MALRD1: variants seen among roughly 807,000 people sequenced by gnomAD.
MALRD1 encodes the protein MAM and LDL-receptor class A domain-containing protein 1.
In MALRD1, 247 loss-of-function variants were observed where a neutral mutation model predicts 242.1. That is an observed-to-expected ratio of 1.02 (90% confidence interval 0.92 to 1.13). MALRD1 has a LOEUF of 1.13. Among genes scored for constraint, MALRD1 ranks in the 50% most tolerant of loss-of-function variants. The pLI, the probability that MALRD1 is intolerant of heterozygous loss-of-function variation, is 0.00. For synonymous variants in MALRD1, 995 were observed against 866.6 expected, an observed-to-expected ratio of 1.15 and a Z score of -2.60; for missense variants, 2,989 against 2,533.1, an observed-to-expected ratio of 1.18 and a Z score of -3.86.
intron 29 of MALRD1, among the ~76,000 whole-genome samples, chr10:19,472,331 T>A (rs1836536995): frequency 6.6e-6 from 1 of 152,002 alleles, no homozygotes; most frequent in South Asian, 2.1e-4. Flanking sequence ...TTTGCATGGA[T>A]GTTTATCAGG....
intron 38 of MALRD1, among the ~76,000 whole-genome samples, chr10:19,703,333 G>A (rs962693365): frequency 6.6e-6 from 1 of 152,126 alleles, no homozygotes; most frequent in Non-Finnish European, 1.5e-5. Flanking sequence ...GTTACCTAGA[G>A]GTTGATTGTA....
At chr10:19,169,800 G>A (rs113180151) in intron 13 of MALRD1, among the ~76,000 whole-genome samples, 3,111 of 152,254 alleles carry the variant, frequency 0.02, 49 homozygotes, top group Middle Eastern at 0.044. Flanking sequence ...CTTGGAAATA[G>A]GCTAGGATTT....
chr10:19,129,955 T>C (rs1833031033), intron 8 of MALRD1, among the ~76,000 whole-genome samples: 1 of 150,868 alleles, frequency 6.6e-6, no homozygotes, highest in Admixed American at 6.6e-5. Context: ...TATATATCTC[T>C]ATCTCCCCAC....
At chr10:19,391,838 G>C (rs2130822431) in intron 28 of MALRD1, among the ~76,000 whole-genome samples, 1 of 152,310 alleles carries the variant, frequency 6.6e-6, no homozygotes, top group Non-Finnish European at 1.5e-5. Context: ...TAGGCTTCAA[G>C]TGTCACTCTC....
chr10:19,181,267 C>T (rs1168557311), intron 14 of MALRD1, among the ~76,000 whole-genome samples: 1 of 152,032 alleles, frequency 6.6e-6, no homozygotes, highest in African/African-American at 2.4e-5. Flanking sequence ...CTCCCATGTT[C>T]GCTGCAGGAT....
chr10:19,652,865 G>C (rs1373204846), intron 36 of MALRD1, among the ~76,000 whole-genome samples: 1 of 152,180 alleles, frequency 6.6e-6, no homozygotes, highest in African/African-American at 2.4e-5. Flanking sequence ...ACCAAAGACA[G>C]TCTGACAAAA....
At chr10:19,293,897 A>C (rs1841567211) in intron 21 of MALRD1, among the ~76,000 whole-genome samples, 1 of 152,186 alleles carries the variant, frequency 6.6e-6, no homozygotes, top group Non-Finnish European at 1.5e-5. Context: ...TGTACCCCTG[A>C]ACCTAAATGT....
intron 28 of MALRD1, among the ~76,000 whole-genome samples, chr10:19,436,063 T>C (rs1181122623): frequency 6.6e-6 from 1 of 152,160 alleles, no homozygotes; most frequent in Non-Finnish European, 1.5e-5. Flanking sequence ...ATCCCCGTTA[T>C]TGTGGGAATT....
intron 38 of MALRD1, among the ~76,000 whole-genome samples, chr10:19,706,089 G>C (rs1033121654): frequency 2.0e-5 from 3 of 152,156 alleles, no homozygotes; most frequent in Admixed American, 6.5e-5. Context: ...GGCTGTAAAA[G>C]GAGATAGCAT....
chr10:19,136,507 CCTT>C, intron 9 of MALRD1, 64 bp from the exon 10 acceptor site: 1 of 907,024 alleles, frequency 1.1e-6, no homozygotes, highest in Non-Finnish European at 1.4e-6. Flanking sequence ...TCTTTATCAA[CCTT>C]CTTTAGTTTT....
intron 5 of MALRD1, among the ~76,000 whole-genome samples, chr10:19,105,572 T>C (rs1253570677): frequency 6.6e-6 from 1 of 152,050 alleles, no homozygotes. Flanking sequence ...CTGAGTCATT[T>C]GGTACTTCTA....
intron 33 of MALRD1, among the ~76,000 whole-genome samples, chr10:19,585,978 A>C (rs1249167008): frequency 6.6e-6 from 1 of 151,980 alleles, no homozygotes; most frequent in Non-Finnish European, 1.5e-5. Context: ...CATTCATTTC[A>C]TCTTCCATCG....
At chr10:19,489,422 A>G (rs182886567) in intron 29 of MALRD1, 708 of 573,338 alleles carry the variant, frequency 1.2e-3, no homozygotes, top group Non-Finnish European at 1.7e-3. Flanking sequence ...ACCATGTCTT[A>G]TCAGTGGTCC....
chr10:19,688,634 C>G (rs553471444), intron 36 of MALRD1, among the ~76,000 whole-genome samples: 39 of 152,276 alleles, frequency 2.6e-4, no homozygotes, highest in African/African-American at 8.9e-4. Flanking sequence ...TTAGTGCAGA[C>G]AGGATTTTCT....
Position 19,442,510 on chromosome 10 carries a change from T to C in MALRD1, c.4846-7797T>C, listed in dbSNP as rs188073438. On this transcript the variant is annotated intron_variant, in intron 28 of 39. Transcript: ENST00000454679. ...TACATCCCATCAATACCTAATTTAT[T>C]GAGAGTTTTTAGCAGGAAGGGCTGT... 4.7e-3 allele frequency among the ~76,000 whole-genome samples: 711 copies of C among 152,260 alleles called. 7 individuals carry two copies. Among genetic ancestry groups the C allele is most frequent in the Non-Finnish European group, 5.9e-3 (404 of 68,018 alleles).
intron 33 of MALRD1, among the ~76,000 whole-genome samples, chr10:19,575,974 A>G (rs1836802467): frequency 6.6e-6 from 1 of 152,234 alleles, no homozygotes; most frequent in African/African-American, 2.4e-5. Context: ...TCTTACCGTA[A>G]TAGCCCAAAG....
At chr10:19,498,773 A>G (rs1304995074) in intron 31 of MALRD1, 127 bp downstream of exon 31, 8 of 1,125,568 alleles carry the variant, frequency 7.1e-6, no homozygotes, top group Middle Eastern at 5.0e-4. Flanking sequence ...GGTTTTATGG[A>G]AAGAGGGCTA....
At chr10:19,172,588 C>T (rs1835059341) in intron 13 of MALRD1, among the ~76,000 whole-genome samples, 1 of 151,380 alleles carries the variant, frequency 6.6e-6, no homozygotes, top group South Asian at 2.1e-4. Context: ...TTCACCTCAT[C>T]CCAGGGCCCA....
chr10:19,696,027 G>A (rs1448549917), intron 38 of MALRD1, among the ~76,000 whole-genome samples: 1 of 152,178 alleles, frequency 6.6e-6, no homozygotes, highest in African/African-American at 2.4e-5. Flanking sequence ...TTTGGGTGGA[G>A]ACACAGCTGA....
Sources: allele counts gnomAD v4.1 joint callset (sites outside exome capture counted in the v4.1 genomes callset), GRCh38; gene constraint gnomAD v4.1.1; transcripts MANE v1.5; gene names NCBI Gene and HGNC (gene_info 2026-07-23, HGNC 2026-07-21).